The following FGF14 variants were observed in gnomAD, a reference collection of about 807,000 sequenced individuals.
FGF14 encodes fibroblast growth factor homologous factor 4.
FGF14 carries 5 observed loss-of-function variants against 25.5 expected under a neutral mutation model. The observed-to-expected ratio is 0.20, with a 90% CI of 0.10 to 0.41. The LOEUF is 0.41. FGF14 is among the 10% of genes least tolerant of loss of function. FGF14 has a pLI of 1.00. For missense variants in FGF14, 222 were observed against 320.1 expected, an observed-to-expected ratio of 0.69 and a Z score of 2.34; for synonymous variants, 138 against 118.3, an observed-to-expected ratio of 1.17 and a Z score of -1.08.
intron 1 of FGF14, among the ~76,000 whole-genome samples, chr13:101,943,826 A>AATATATATATATATATAT (rs1206422692): frequency 1.1e-4 from 14 of 126,792 alleles, no homozygotes; most frequent in African/African-American, 3.8e-4. Context: ...AAAAAAAAAA[A>AATATATATATATATATAT]ATATATATAT....
chr13:101,868,685 G>T, intron 3 of FGF14, 40 bp downstream of exon 3: 1 of 1,158,358 alleles, frequency 8.6e-7, no homozygotes, highest in Non-Finnish European at 1.3e-6. Context: ...TATTTTACAT[G>T]CATTGAACGA....
chr13:101,850,264 C>A (rs1467883313), intron 3 of FGF14, among the ~76,000 whole-genome samples: 4 of 104,072 alleles, frequency 3.8e-5, no homozygotes, highest in Non-Finnish European at 7.6e-5. Flanking sequence ...TGAAACCCTG[C>A]CTCTACTAAA....
At chr13:102,158,494 G>C (rs1054857050) in intron 1 of FGF14, among the ~76,000 whole-genome samples, 1 of 149,930 alleles carries the variant, frequency 6.7e-6, no homozygotes, top group Admixed American at 6.7e-5. Flanking sequence ...CACAGGAAGG[G>C]GAACATCACA....
intron 1 of FGF14, among the ~76,000 whole-genome samples, chr13:101,988,967 C>A (rs2493571): frequency 0.41 from 62,051 of 151,800 alleles, 14,933 homozygotes; most frequent in East Asian, 0.7. Context: ...ACCTTAAGAT[C>A]AAACATAATT....
At chr13:102,115,895 T>C (rs2045446627) in intron 1 of FGF14, among the ~76,000 whole-genome samples, 1 of 152,082 alleles carries the variant, frequency 6.6e-6, no homozygotes, top group Non-Finnish European at 1.5e-5. Flanking sequence ...GTGGATCACC[T>C]GAGGCCGGGA....
rs562062028 is a variant in FGF14 at position 102,196,293 on chromosome 13, G to A, written c.208+205178C>T. On this transcript the variant is annotated intron_variant, in intron 1 of 4. Coordinates refer to the FGF14 transcript ENST00000376131. ...CTAGTCTTGTGGCCTCCAGCCACTGGGTGAAAATGTTAAATTCATTTGCTA... is the reference window on the plus strand; with the variant it reads ...CTAGTCTTGTGGCCTCCAGCCACTGAGTGAAAATGTTAAATTCATTTGCTA... Among the ~76,000 whole-genome samples the A allele has an allele frequency of 8.5e-5, 13 of 152,288 alleles. No individual in the cohort carries two copies. The East Asian group carries it at 2.5e-3, about 29-fold the overall frequency.
At chr13:102,232,357 GCT>G (rs2051123596) in intron 1 of FGF14, among the ~76,000 whole-genome samples, 1 of 152,162 alleles carries the variant, frequency 6.6e-6, no homozygotes, top group African/African-American at 2.4e-5. Flanking sequence ...AAGTTGCAAT[GCT>G]ATATATCCTA....
chr13:102,068,782 C>G (rs557394136), intron 1 of FGF14, among the ~76,000 whole-genome samples: 146 of 152,310 alleles, frequency 9.6e-4, no homozygotes, highest in Non-Finnish European at 1.6e-3. Context: ...CTGTGCGGCC[C>G]GAGCCTCCCC....
rs2034809786 is a variant in FGF14, at chr13:101,718,595, G to C, written c.*4236C>G. ...TCATCACTGAGGTATTCCACCCAGA[G>C]ACTTTTTCAAAAAAGTCAACTAAAG... On this transcript the variant is annotated 3_prime_UTR_variant, in exon 5 of 5. Coordinates refer to ENST00000376143, the MANE Select transcript of FGF14 (RefSeq NM_004115.4). 1 of 151,974 alleles carries C rather than the reference G, an allele frequency of 6.6e-6. No individual in the cohort carries two copies. The highest frequency in any genetic ancestry group is 6.6e-5 in the Admixed American group (1 of 15,226). 9.4% of individuals were successfully genotyped at this position (151,974 alleles called of 1,614,324 possible). A position where few individuals can be genotyped will look rare whatever the true frequency, so the allele number is the denominator to read the frequency against.
At chr13:102,053,563 G>A (rs1165953663) in intron 1 of FGF14, among the ~76,000 whole-genome samples, 3 of 152,060 alleles carry the variant, frequency 2.0e-5, no homozygotes, top group East Asian at 3.8e-4. Flanking sequence ...AATGTATGGG[G>A]TATAGTAAAA....
At chr13:102,096,026 CTTTA>C (rs947387133) in intron 1 of FGF14, among the ~76,000 whole-genome samples, 1 of 145,666 alleles carries the variant, frequency 6.9e-6, no homozygotes, top group African/African-American at 2.5e-5. Flanking sequence ...TAATATATTT[CTTTA>C]TTTGACATAA....
At chr13:102,066,185 T>C (rs2042896658) in intron 1 of FGF14, among the ~76,000 whole-genome samples, 2 of 152,142 alleles carry the variant, frequency 1.3e-5, no homozygotes, top group South Asian at 4.1e-4. Flanking sequence ...ATTATTATAG[T>C]AGAATGCCCA....
At chr13:102,105,617 T>C (rs1298977860) in intron 1 of FGF14, among the ~76,000 whole-genome samples, 1 of 152,216 alleles carries the variant, frequency 6.6e-6, no homozygotes, top group East Asian at 1.9e-4. Context: ...TATTACAATG[T>C]TAAATATAGC....
intron 1 of FGF14, among the ~76,000 whole-genome samples, chr13:102,167,312 C>CA (rs10689114): frequency 0.17 from 12,463 of 72,172 alleles, 1,057 homozygotes; most frequent in East Asian, 0.46. Flanking sequence ...CACTCCATCT[C>CA]AAAAAAAAAA....
intron 1 of FGF14, among the ~76,000 whole-genome samples, chr13:101,895,249 T>G (rs2030459990): frequency 6.6e-6 from 1 of 152,152 alleles, no homozygotes. Context: ...CAAGGTATAT[T>G]AAGTAACATT....
At chr13:101,860,195 T>C (rs900272157) in intron 3 of FGF14, among the ~76,000 whole-genome samples, 3 of 152,116 alleles carry the variant, frequency 2.0e-5, no homozygotes, top group African/African-American at 7.2e-5. Flanking sequence ...GCTTTCTTTC[T>C]ATCATTTCTT....
At chr13:101,778,070 G>C (rs2039247605) in intron 3 of FGF14, among the ~76,000 whole-genome samples, 1 of 152,204 alleles carries the variant, frequency 6.6e-6, no homozygotes, top group South Asian at 2.1e-4. Flanking sequence ...TACTTCGTGA[G>C]AGTGCCTGGT....
At chr13:102,226,919 G>A (rs1336422097) in intron 1 of FGF14, among the ~76,000 whole-genome samples, 1 of 151,860 alleles carries the variant, frequency 6.6e-6, no homozygotes, top group African/African-American at 2.4e-5. Context: ...ACAGAAAATG[G>A]TTAATGGTAC....
intron 1 of FGF14, among the ~76,000 whole-genome samples, chr13:102,242,720 C>A (rs1202310242): frequency 6.6e-6 from 1 of 152,084 alleles, no homozygotes; most frequent in Non-Finnish European, 1.5e-5. Flanking sequence ...CACATTCAAA[C>A]CACAGCACAT....
Sources: allele counts gnomAD v4.1 joint callset (sites outside exome capture counted in the v4.1 genomes callset), GRCh38; gene constraint gnomAD v4.1.1; transcripts MANE v1.5; gene names NCBI Gene and HGNC (gene_info 2026-07-23, HGNC 2026-07-21).